The following CHL1 variants were observed in gnomAD, a reference collection of about 807,000 sequenced individuals.
The protein encoded by CHL1 is cell adhesion molecule L1 like, also known as neural cell adhesion molecule L1-like protein.
A neutral mutation model predicts 141.9 loss-of-function variants in CHL1; 96 were observed. The ratio of observed to expected loss-of-function variants is 0.68; its 90% CI spans 0.57 to 0.80. The LOEUF is 0.80. CHL1 is among the 30% of genes least tolerant of loss of function. The pLI is 0.00. For missense variants in CHL1, 1,820 were observed against 1,457.2 expected (o/e 1.25, Z -4.05); for synonymous variants, 613 against 502.2 (o/e 1.22, Z -2.95).
chr3:382,809 C>A, intron 18 of CHL1, 138 bp downstream of exon 18: 1 of 731,102 alleles, frequency 1.4e-6, no homozygotes, highest in South Asian at 1.9e-5. Context: ...CTAAACAGCA[C>A]ACAAAATATT....
intron 2 of CHL1, among the ~76,000 whole-genome samples, chr3:276,870 A>C (rs554961132): frequency 1.3e-3 from 198 of 147,202 alleles, no homozygotes; most frequent in Admixed American, 2.3e-3. Context: ...GCCTGGGTGA[A>C]AGAGGAAGAC....
intron 1 of CHL1, among the ~76,000 whole-genome samples, chr3:199,909 G>T (rs1182200040): frequency 6.6e-6 from 1 of 152,206 alleles, no homozygotes; most frequent in Non-Finnish European, 1.5e-5. Flanking sequence ...AGAAAATTAA[G>T]TAATAGTTGG....
At chr3:325,674 T>A (rs567540564) in intron 3 of CHL1, among the ~76,000 whole-genome samples, 4 of 152,158 alleles carry the variant, frequency 2.6e-5, no homozygotes, top group African/African-American at 9.6e-5. Flanking sequence ...TATATATTTT[T>A]AAATTGTGAT....
intron 2 of CHL1, among the ~76,000 whole-genome samples, chr3:318,418 A>C (rs558117334): frequency 1.8e-4 from 28 of 151,972 alleles, no homozygotes; most frequent in African/African-American, 6.7e-4. Context: ...AAACAAAATT[A>C]CATACCTGAA....
At chr3:308,920 GT>G in intron 2 of CHL1, 1 of 159,126 alleles carries the variant, frequency 6.3e-6, no homozygotes, top group Non-Finnish European at 1.5e-5. Context: ...GTTCTGGATC[GT>G]TTTTTGTTTA....
intron 1 of CHL1, among the ~76,000 whole-genome samples, chr3:202,937 T>A (rs986735458): frequency 1.3e-5 from 2 of 152,222 alleles, no homozygotes; most frequent in African/African-American, 4.8e-5. Context: ...AATTAAGTGA[T>A]TTGACTAGAT....
chr3:335,086 C>G (rs561332765), intron 5 of CHL1, among the ~76,000 whole-genome samples: 1 of 152,276 alleles, frequency 6.6e-6, no homozygotes, highest in South Asian at 2.1e-4. Flanking sequence ...TTTGTGTTAA[C>G]ATACTTCCTC....
chr3:231,306 C>G (rs566038234), intron 1 of CHL1, among the ~76,000 whole-genome samples: 46 of 152,162 alleles, frequency 3.0e-4, no homozygotes, highest in African/African-American at 1.0e-3. Context: ...CCTCCTTCCT[C>G]TCCTCTCTTT....
At chr3:279,363 G>T (rs1010372936) in intron 2 of CHL1, among the ~76,000 whole-genome samples, 1 of 151,954 alleles carries the variant, frequency 6.6e-6, no homozygotes, top group African/African-American at 2.4e-5. Flanking sequence ...TAATCGAGGG[G>T]GGAGCTGTTT....
At position 406,932 on chromosome 3, in the gene CHL1, G is replaced by A. The variant is rs1447037476; in HGVS notation, c.*1221G>A. 6.6e-6 allele frequency: 1 copy of A among 152,076 alleles called. No homozygotes were observed. Among genetic ancestry groups the A allele is most frequent in the Admixed American group, 6.6e-5 (1 of 15,242 alleles). 9.4% of individuals were successfully genotyped at this position (152,076 alleles called of 1,614,324 possible). A position where few individuals can be genotyped will look rare whatever the true frequency, so the allele number is the denominator to read the frequency against. ...ACCCCAGCCCCTCAAAAGAAAAACT[G>A]TTTACATAGAAATTCCTACACATAC... On this transcript the variant is annotated 3_prime_UTR_variant, in exon 28 of 28. Coordinates refer to ENST00000256509, the MANE Select transcript of CHL1 (RefSeq NM_006614.4).
chr3:232,780 T>C (rs528546474), intron 1 of CHL1, among the ~76,000 whole-genome samples: 5 of 152,134 alleles, frequency 3.3e-5, no homozygotes, highest in African/African-American at 1.2e-4. Context: ...GAAAGAGACC[T>C]TCAGAGAGGT....
rs976846463 is a variant in CHL1, at chr3:405,825, C to G, written c.*114C>G. ...AAACATGCTGGCCGAAGATTTCATCCAGAAGTCAACATCCTGCAATTATGT... is the reference window on the plus strand; with the variant it reads ...AAACATGCTGGCCGAAGATTTCATCGAGAAGTCAACATCCTGCAATTATGT... On this transcript the variant is annotated 3_prime_UTR_variant, in exon 28 of 28. Coordinates refer to ENST00000256509, the MANE Select transcript of CHL1 (RefSeq NM_006614.4). 15 of 696,488 alleles carry G rather than the reference C, an allele frequency of 2.2e-5. No homozygotes were observed. The African/African-American group carries it at 2.5e-4, about 12-fold the overall frequency. 43.1% of individuals were successfully genotyped at this position (696,488 alleles called of 1,614,324 possible).
At chr3:197,594 G>C in intron 1 of CHL1, 1 of 351,438 alleles carries the variant, frequency 2.8e-6, no homozygotes, top group South Asian at 2.1e-5. Context: ...CCCCTGTGTG[G>C]CTCCTCCTCT....
At chr3:398,498 A>C (rs1053783353) in intron 25 of CHL1, 113 bp downstream of exon 25, 3 of 590,384 alleles carry the variant, frequency 5.1e-6, no homozygotes, top group Non-Finnish European at 8.5e-6. Flanking sequence ...ATTAATTATG[A>C]AAATCGTAAT....
intron 2 of CHL1, among the ~76,000 whole-genome samples, chr3:249,276 A>C (rs1282985872): frequency 6.6e-6 from 1 of 152,190 alleles, no homozygotes; most frequent in Non-Finnish European, 1.5e-5. Context: ...GCCTCTGATC[A>C]AAGGCTAATT....
At chr3:383,958 A>G in intron 19 of CHL1, 72 bp downstream of exon 19, 1 of 939,344 alleles carries the variant, frequency 1.1e-6, no homozygotes, top group Non-Finnish European at 1.7e-6. Context: ...TGCTAACTAC[A>G]ATGATAGCAC....
intron 24 of CHL1, 99 bp from the exon 25 acceptor site, chr3:398,128 T>G (rs1708826414): frequency 1.5e-6 from 1 of 656,864 alleles, no homozygotes; most frequent in Non-Finnish European, 2.4e-6. Flanking sequence ...GAAAATATGG[T>G]ATAAGTGACT....
rs530189306 is a variant in CHL1 at position 298,711 on chromosome 3, G to A, written c.-94-20972G>A. On this transcript the variant is annotated intron_variant, in intron 2 of 27. Coordinates refer to ENST00000256509, the MANE Select transcript of CHL1 (RefSeq NM_006614.4). ...ACTGGGCTACCTTGTTTATTTCCAG[G>A]GAGTGGTCCCTTGGTGAAAAGAGAG... 2.6e-5 allele frequency among the ~76,000 whole-genome samples: 4 copies of A among 152,192 alleles called. No individual in the cohort carries two copies. The South Asian group carries it at 8.3e-4, about 32-fold the overall frequency.
intron 2 of CHL1, among the ~76,000 whole-genome samples, chr3:292,511 G>A (rs886781475): frequency 2.4e-4 from 36 of 152,220 alleles, no homozygotes; most frequent in African/African-American, 7.7e-4. Flanking sequence ...AATATAATTA[G>A]TAAGTTGGAT....
Sources: gnomAD v4.1 joint callset for allele counts (sites outside exome capture counted in the v4.1 genomes callset) on GRCh38, gnomAD v4.1.1 for gene constraint, MANE v1.5 for transcripts, NCBI Gene and HGNC (gene_info 2026-07-23, HGNC 2026-07-21) for gene names.